The following FUZ variants were observed in gnomAD, a reference collection of about 807,000 sequenced individuals.
FUZ encodes the protein protein fuzzy homolog.
In FUZ, 31 loss-of-function variants were observed where a neutral mutation model predicts 43.1. That is an observed-to-expected ratio of 0.72 (90% CI 0.54 to 0.97). The LOEUF is 0.97. Among genes scored for constraint, FUZ ranks in the 50% least tolerant of loss-of-function variants. FUZ has a pLI of 0.00. For missense variants in FUZ, 539 were observed against 543.8 expected (o/e 0.99, Z 0.09); for synonymous variants, 274 against 250.0 (o/e 1.10, Z -0.91).
chr19:49,808,907 G>A, intron 7 of FUZ, 84 bp from the exon 8 acceptor site: 1 of 1,117,772 alleles, frequency 8.9e-7, no homozygotes. Context: ...GGATAGGGGC[G>A]TGGTCAATCG....
chr19:49,812,882 C>A, intron 1 of FUZ, 114 bp downstream of exon 1: 1 of 1,337,932 alleles, frequency 7.5e-7, no homozygotes, highest in Non-Finnish European at 1.1e-6. Flanking sequence ...GGTCCATTGC[C>A]TCCTCGGTCC....
chr19:49,808,911 T>A, intron 7 of FUZ, 88 bp from the exon 8 acceptor site: 1 of 1,066,110 alleles, frequency 9.4e-7, no homozygotes, highest in South Asian at 1.4e-5. Context: ...AGGGGCGTGG[T>A]CAATCGGGAG....
intron 3 of FUZ, 24 bp from the exon 4 acceptor site, chr19:49,811,723 ATGGGCGAGGGGCTGGGACT>A: frequency 6.3e-7 from 1 of 1,593,052 alleles, no homozygotes; most frequent in Non-Finnish European, 8.6e-7. Context: ...ATAGGAGAGG[ATGGGCGAGGGGCTGGGACT>A]TGAACTCCTG....
At chr19:49,808,969 G>A (rs1001639181) in intron 7 of FUZ, 146 bp from the exon 8 acceptor site, 3 of 867,272 alleles carry the variant, frequency 3.5e-6, no homozygotes, top group Non-Finnish European at 5.6e-6. Context: ...GAAGGGACTG[G>A]GGAAGGGGCG....
At position 49,809,116 on chromosome 19, in the gene FUZ, G is replaced by T; in HGVS notation, c.786+47C>A. On this transcript the variant is annotated intron_variant, in intron 7 of 10. Transcript: ENST00000313777. This position sits in a 1 kb window ranked among gnomAD's most constrained non-coding sequence, Gnocchi z 5.1. ...CAGGGTGGTGGGGAAGGGCCCTCCT[G>T]GTAGCGGGTGTCCTAAGAGCGAAAG... 1 of 1,512,816 alleles carries T rather than the reference G, an allele frequency of 6.6e-7. No individual in the cohort carries two copies. Among genetic ancestry groups the T allele is most frequent in the Non-Finnish European group, 9.0e-7 (1 of 1,112,650 alleles). 93.7% of individuals were successfully genotyped at this position (1,512,816 alleles called of 1,614,324 possible).
At position 49,806,983 on chromosome 19, in the gene FUZ, C is replaced by T. The variant is rs1297380698; in HGVS notation, c.*168G>A. ...CCCCTCCCTCCCTTTCCCCCCCAAG[C>T]ACAGAGGGGAGAGGGGCCAGGGAAG... On this transcript the variant is annotated 3_prime_UTR_variant, in exon 11 of 11. Transcript: ENST00000313777. The T allele has an allele frequency of 6.5e-7, 1 of 1,529,194 alleles. No individual in the cohort carries two copies. The highest frequency in any genetic ancestry group is 2.5e-5 in the East Asian group (1 of 40,660). The allele number at this position is 1,529,194 out of a possible 1,614,324, so 94.7% of individuals were successfully genotyped here.
In FUZ at chr19:49,807,206, T is replaced by C. The variant is rs753869155; in HGVS notation, c.1202A>G (p.His401Arg). ...LLLLSPQSPT[H>R]GLRSLATHTL... ...GTGGGTGGCCAGGCTTCGCAGCCCA[T>C]GGGTGGGACTCTGGGGAGACAGCAG... is the stretch of plus-strand genomic sequence containing the variant. The change falls in exon 11 of 11, where the codon CAT (histidine) becomes CGT (arginine). Residue 401 changes from histidine to arginine, a missense_variant. Coordinates refer to ENST00000313777, the MANE Select transcript of FUZ (RefSeq NM_025129.5). The C allele has an allele frequency of 7.0e-5, 113 of 1,613,074 alleles. 1 individual carries two copies. In the Admixed American group the frequency reaches 1.9e-3, roughly 27 times the overall value.
In FUZ at chr19:49,813,009, G is replaced by A; in HGVS notation, c.98C>T (p.Pro33Leu). 6.4e-7 allele frequency: 1 copy of A among 1,550,964 alleles called. No individual in the cohort carries two copies. Among genetic ancestry groups the A allele is most frequent in the Non-Finnish European group, 8.7e-7 (1 of 1,146,922 alleles). Residue 33 changes from proline (P) to leucine (L), a missense_variant, in exon 1 of 11, where the codon CCC becomes CTC. Pro to Leu is a moderately conservative substitution (Grantham distance 98, BLOSUM62 -3). Coordinates refer to ENST00000313777, the MANE Select transcript of FUZ (RefSeq NM_025129.5). ...LFCRSSRGGAPARQQLPFSVI... is the reference protein window; with the variant it reads ...LFCRSSRGGALARQQLPFSVI... ...CCAAGGCCCCACCTGCTGACGGGCG[G>A]GGGCGCCGCCGCGACTGCTCCTGCA...
intron 2 of FUZ, 138 bp from the exon 3 acceptor site, chr19:49,812,473 G>T: frequency 7.4e-7 from 1 of 1,348,062 alleles, no homozygotes; most frequent in African/African-American, 1.4e-5. Flanking sequence ...GAACATCAGG[G>T]ATCAAAGAGG....
At position 49,808,707 on chromosome 19, in the gene FUZ, C is replaced by A. The variant is rs776229517; in HGVS notation, c.893+10G>T. 1.0e-5 allele frequency: 16 copies of A among 1,596,864 alleles called. No individual in the cohort carries two copies. Among genetic ancestry groups the A allele is most frequent in the Non-Finnish European group, 1.1e-5 (13 of 1,171,842 alleles). Reference sequence around the variant, plus strand: ...TGACCCCCGACCCACTCCCTCCATCCGAGCCCTACCCGAGGATGTCTGTGT... The same window carrying A: ...TGACCCCCGACCCACTCCCTCCATCAGAGCCCTACCCGAGGATGTCTGTGT... On this transcript the variant is annotated intron_variant, in intron 8 of 10. Transcript: ENST00000313777.
rs369633124 is a variant in FUZ at position 49,811,374 on chromosome 19, A to T, written c.481T>A (p.Ser161Thr). 3 of 1,605,590 alleles carry T rather than the reference A, an allele frequency of 1.9e-6. No individual in the cohort carries two copies. The African/African-American group carries it at 4.0e-5, about 21-fold the overall frequency. ...CVDCVIPPEGSLLQEALSGFA... is the reference protein window; with the variant it reads ...CVDCVIPPEGTLLQEALSGFA... ...AGCATCCCCAGTACCTGCAAGAGGG[A>T]CCCCTCTGGAGGAATCACGCAGTCC... is the stretch of plus-strand genomic sequence containing the variant. Residue 161 changes from serine to threonine, a missense_variant, in exon 5 of 11, where the codon TCC becomes ACC. Physicochemically the swap from Ser to Thr is moderately conservative, Grantham distance 58. Coordinates refer to ENST00000313777, the MANE Select transcript of FUZ (RefSeq NM_025129.5).
chr19:49,813,208 G>A lies in FUZ; in HGVS notation c.-102C>T, dbSNP rs535629427. 15 of 1,002,218 alleles carry A rather than the reference G, an allele frequency of 1.5e-5. No homozygotes were observed. Among genetic ancestry groups the A allele is most frequent in the Admixed American group, 2.0e-5 (1 of 50,340 alleles). 62.1% of individuals were successfully genotyped at this position (1,002,218 alleles called of 1,614,324 possible). A position where few individuals can be genotyped will look rare whatever the true frequency, so the allele number is the denominator to read the frequency against. Reference sequence around the variant, plus strand: ...CGGCCTGTGGTCCGGAGCCGCCAGAGGGCGAGATGGGGAGCTGATTGGAAG... The same window carrying A: ...CGGCCTGTGGTCCGGAGCCGCCAGAAGGCGAGATGGGGAGCTGATTGGAAG... On this transcript the variant is annotated 5_prime_UTR_variant, in exon 1 of 11. Transcript: ENST00000313777.
Position 49,809,512 on chromosome 19 carries a change from G to A in FUZ, c.556C>T (p.Arg186Trp), listed in dbSNP as rs1461815240. 1.9e-6 allele frequency: 3 copies of A among 1,597,568 alleles called. No homozygotes were observed. Among genetic ancestry groups the A allele is most frequent in the Middle Eastern group, 1.7e-4 (1 of 6,026 alleles). ...TTFVSLVVSG[R>W]VVAATEGWWR... ...CAACCCTCTGTTGCTGCCACCACCC[G>A]GCCGGACACCACCAGACTGACGAAG... The change falls in exon 6 of 11, where the codon CGG (arginine) becomes TGG (tryptophan). Residue 186 changes from arginine to tryptophan, a missense_variant. By Grantham distance (101) the Arg-to-Trp change is moderately radical (BLOSUM62 -3). Transcript: ENST00000313777. The surrounding 1 kb of genome is among the most constrained non-coding windows in gnomAD (Gnocchi z 5.1).
Position 49,809,323 on chromosome 19 carries a change from C to CGAG in FUZ, c.690+54_690+55insCTC, listed in dbSNP as rs2073630004. On this transcript the variant is annotated intron_variant, in intron 6 of 10. Coordinates refer to ENST00000313777, the MANE Select transcript of FUZ (RefSeq NM_025129.5). This position sits in a 1 kb window ranked among gnomAD's most constrained non-coding sequence, Gnocchi z 5.1. ...CCCTTTCCATCGCAGATCCCGCCTC[C>CGAG]TCGCGACTCGGCCCCCAGGTCACAT... 1 of 1,547,636 alleles carries CGAG rather than the reference C, an allele frequency of 6.5e-7. No homozygotes were observed. Among genetic ancestry groups the CGAG allele is most frequent in the Non-Finnish European group, 8.7e-7 (1 of 1,146,600 alleles).
rs746488223 is a variant in FUZ at position 49,807,067 on chromosome 19, C to T, written c.*84G>A. 4.9e-5 allele frequency: 68 copies of T among 1,382,420 alleles called. No homozygotes were observed. The East Asian group carries it at 1.5e-3, about 30-fold the overall frequency. 85.6% of individuals were successfully genotyped at this position (1,382,420 alleles called of 1,614,324 possible). On this transcript the variant is annotated 3_prime_UTR_variant, in exon 11 of 11. Coordinates refer to ENST00000313777, the MANE Select transcript of FUZ (RefSeq NM_025129.5). Reference sequence around the variant, plus strand: ...GTAGCCCCTCCTACCCCCTCCCCATCCAGGGGCTGTGTATTATTGTGAGCG... The same window carrying T: ...GTAGCCCCTCCTACCCCCTCCCCATTCAGGGGCTGTGTATTATTGTGAGCG...
Position 49,813,068 on chromosome 19 carries a change from C to T in FUZ, c.39G>A (p.Leu13=). ...GGACCCCGCTGGAGGCCGCGAGGCA[C>T]AGCAGATGCACAGTGCCGCCCGTCC... is the stretch of plus-strand genomic sequence containing the variant. The part of the protein sequence containing the change: ...EEGTGGTVHL[L]CLAASSGVPL... The change falls in exon 1 of 11, where the codon CTG becomes CTA. Residue 13 remains leucine (L), a synonymous_variant. Transcript: ENST00000313777. 3.9e-6 allele frequency: 6 copies of T among 1,551,386 alleles called. No homozygotes were observed. The highest frequency in any genetic ancestry group is 5.2e-6 in the Non-Finnish European group (6 of 1,146,982).
In FUZ at chr19:49,811,801, T is replaced by G. The variant is rs183598244; in HGVS notation, c.319-102A>C. 11 of 1,003,956 alleles carry G rather than the reference T, an allele frequency of 1.1e-5. No homozygotes were observed. The East Asian group carries it at 1.7e-4, about 15-fold the overall frequency. 62.2% of individuals were successfully genotyped at this position (1,003,956 alleles called of 1,614,324 possible). A position where few individuals can be genotyped will look rare whatever the true frequency, so the allele number is the denominator to read the frequency against. ...GACTCCCACTTCTGGGTCTGGGGAC[T>G]GGGGAGTCAAGATTCCTGGGTTCTG... On this transcript the variant is annotated intron_variant, in intron 3 of 10. Coordinates refer to ENST00000313777, the MANE Select transcript of FUZ (RefSeq NM_025129.5).
In FUZ at chr19:49,809,133, G is replaced by C. The variant is rs367812644; in HGVS notation, c.786+30C>G. 422 of 1,545,538 alleles carry C rather than the reference G, an allele frequency of 2.7e-4. 2 individuals are homozygous for C. The African/African-American group carries it at 4.5e-3, about 17-fold the overall frequency. ...GCCCTCCTGGTAGCGGGTGTCCTAAGAGCGAAAGCGGGACGTGGCGCGGGT... is the reference window on the plus strand; with the variant it reads ...GCCCTCCTGGTAGCGGGTGTCCTAACAGCGAAAGCGGGACGTGGCGCGGGT... On this transcript the variant is annotated intron_variant, in intron 7 of 10. Transcript: ENST00000313777. The surrounding 1 kb of genome is among the most constrained non-coding windows in gnomAD (Gnocchi z 5.1).
chr19:49,811,339 G>A lies in FUZ; in HGVS notation c.492+24C>T, dbSNP rs750585789. On this transcript the variant is annotated intron_variant, in intron 5 of 10. Coordinates refer to ENST00000313777, the MANE Select transcript of FUZ (RefSeq NM_025129.5). ...GCCAGGGCCAGCAGAACAGGTGTAA[G>A]AGTTTCCATAGCATCCCCAGTACCT... is the stretch of plus-strand genomic sequence containing the variant. The A allele has an allele frequency of 1.2e-5, 18 of 1,515,062 alleles. No individual in the cohort carries two copies. In the South Asian group the frequency reaches 1.7e-4, roughly 15 times the overall value. The allele number at this position is 1,515,062 out of a possible 1,614,324, so 93.9% of individuals were successfully genotyped here.
Sources: gnomAD v4.1 joint callset for allele counts on GRCh38, gnomAD v4.1.1 for gene constraint, Gnocchi (gnomAD v3.1) non-coding constraint, MANE v1.5 for transcripts, NCBI Gene and HGNC (gene_info 2026-07-23, HGNC 2026-07-21) for gene names.